VWA8: variants seen among roughly 807,000 people sequenced by gnomAD.
The protein encoded by VWA8 is von Willebrand factor A domain containing 8.
A neutral mutation model predicts 241.5 loss-of-function variants in VWA8; 221 were observed. The ratio of observed to expected loss-of-function variants is 0.91; its 90% CI spans 0.82 to 1.02. The LOEUF is 1.02. Among genes scored for constraint, VWA8 ranks in the 50% least tolerant of loss-of-function variants. The pLI is 0.00. For missense variants in VWA8, 2,322 were observed against 2,328.7 expected, an observed-to-expected ratio of 1.00 and a Z score of 0.06; for synonymous variants, 852 against 827.1, an observed-to-expected ratio of 1.03 and a Z score of -0.52.
At chr13:41,856,791 T>C (rs2138037364) in intron 12 of VWA8, among the ~76,000 whole-genome samples, 1 of 149,162 alleles carries the variant, frequency 6.7e-6, no homozygotes, top group Non-Finnish European at 1.5e-5. Flanking sequence ...GCCGTTGCAC[T>C]CCAGCCTGGG....
intron 5 of VWA8, 132 bp from the exon 6 acceptor site, chr13:41,887,493 G>A: frequency 1.0e-6 from 1 of 964,640 alleles, no homozygotes; most frequent in African/African-American, 1.7e-5. Context: ...AATCCATACT[G>A]TCAAGGAAGG....
Position 41,691,948 on chromosome 13 carries a change from A to C in VWA8, c.3676-10T>G. ...ACATTTTATAAGTTTCCTAAAGACA[A>C]ACAAAACAAGATATTCATATTAAAT... On this transcript the variant is annotated splice_polypyrimidine_tract_variant and intron_variant, in intron 30 of 44. Coordinates refer to ENST00000379310, the MANE Select transcript of VWA8 (RefSeq NM_015058.2). 6.3e-7 allele frequency: 1 copy of C among 1,581,256 alleles called. No individual in the cohort carries two copies. The highest frequency in any genetic ancestry group is 8.7e-7 in the Non-Finnish European group (1 of 1,151,102).
chr13:41,660,879 C>CTTT (rs918525375), intron 37 of VWA8, among the ~76,000 whole-genome samples: 1 of 141,046 alleles, frequency 7.1e-6, no homozygotes, highest in African/African-American at 2.6e-5. Flanking sequence ...AATTGGGTTT[C>CTTT]TTTTTTTTTT....
intron 37 of VWA8, among the ~76,000 whole-genome samples, chr13:41,659,520 T>C (rs926136108): frequency 6.6e-6 from 1 of 152,216 alleles, no homozygotes; most frequent in African/African-American, 2.4e-5. Context: ...TCTTCCTTCT[T>C]TTAAAACTGC....
chr13:41,906,024 A>G (rs9594647), intron 4 of VWA8, among the ~76,000 whole-genome samples: 286 of 152,218 alleles, frequency 1.9e-3, no homozygotes, highest in African/African-American at 6.2e-3. Context: ...GTGAAGGATT[A>G]CTTTTTGATT....
chr13:41,819,803 A>G (rs1286376958), intron 14 of VWA8, among the ~76,000 whole-genome samples: 1 of 152,228 alleles, frequency 6.6e-6, no homozygotes, highest in Non-Finnish European at 1.5e-5. Context: ...TCAATCAAAA[A>G]GACCAAGAGG....
chr13:41,936,012 T>C (rs1436528565), intron 2 of VWA8, among the ~76,000 whole-genome samples: 3 of 152,148 alleles, frequency 2.0e-5, no homozygotes, highest in Non-Finnish European at 2.9e-5. Context: ...ACATAATATG[T>C]ACATTTATCC....
Position 41,575,817 on chromosome 13 carries a change from CAG to C in VWA8, c.5291_5292del (p.Ser1764TrpfsTer19). The C allele has an allele frequency of 1.9e-6, 3 of 1,612,792 alleles. No individual in the cohort carries two copies. The highest frequency in any genetic ancestry group is 1.1e-5 in the South Asian group (1 of 90,866). ...EKFQYDIVGH[S>X]GDGYNIGLVP... Reference sequence around the variant, plus strand: ...ACCAGACCAATGTTGTAGCCATCTCCAGAGTGTCCAACGATGTCATACTACAT... The same window carrying C: ...ACCAGACCAATGTTGTAGCCATCTCCAGTGTCCAACGATGTCATACTACAT... On this transcript the variant is annotated frameshift_variant, in exon 43 of 45. Coordinates refer to ENST00000379310, the MANE Select transcript of VWA8 (RefSeq NM_015058.2). LOFTEE classifies it high-confidence loss of function.
At chr13:41,819,432 A>C in intron 14 of VWA8, 46 bp from the exon 15 acceptor site, 1 of 1,560,214 alleles carries the variant, frequency 6.4e-7, no homozygotes, top group Non-Finnish European at 8.6e-7. Context: ...TCTTTCATGT[A>C]AGAAATCAGA....
chr13:41,821,878 C>T (rs1220650160), intron 14 of VWA8, among the ~76,000 whole-genome samples: 1 of 152,104 alleles, frequency 6.6e-6, no homozygotes. Flanking sequence ...TCTCAAAACA[C>T]TTAAGCTATG....
chr13:41,583,659 A>C lies in VWA8; in HGVS notation c.5271+3853T>G, dbSNP rs190823048. On this transcript the variant is annotated intron_variant, in intron 42 of 44. Coordinates refer to ENST00000379310, the MANE Select transcript of VWA8 (RefSeq NM_015058.2). ...CTCCATCTCAAAAAAAAAAAAAAAAAAAACAAACAAAAAAAGAATCTATAA... is the reference window on the plus strand; with the variant it reads ...CTCCATCTCAAAAAAAAAAAAAAAACAAACAAACAAAAAAAGAATCTATAA... Among the ~76,000 whole-genome samples, 1,089 of 151,276 alleles carry C rather than the reference A, an allele frequency of 7.2e-3. 7 individuals carry two copies. The highest frequency in any genetic ancestry group is 0.016 in the African/African-American group (667 of 41,210).
At chr13:41,642,671 G>A (rs1366033009) in intron 37 of VWA8, among the ~76,000 whole-genome samples, 1 of 151,776 alleles carries the variant, frequency 6.6e-6, no homozygotes, top group Non-Finnish European at 1.5e-5. Context: ...GCTCACACCC[G>A]TAATCCCAGC....
intron 20 of VWA8, among the ~76,000 whole-genome samples, chr13:41,768,435 T>C (rs1042690169): frequency 2.0e-5 from 3 of 152,142 alleles, no homozygotes; most frequent in Admixed American, 2.0e-4. Flanking sequence ...AGGAGAAAAA[T>C]AGAATCTCTA....
chr13:41,737,367 G>C (rs1313079265), intron 21 of VWA8, among the ~76,000 whole-genome samples: 1 of 152,180 alleles, frequency 6.6e-6, no homozygotes, highest in East Asian at 1.9e-4. Context: ...AAATAGAGTG[G>C]TACTTAGAAA....
intron 22 of VWA8, among the ~76,000 whole-genome samples, chr13:41,731,474 A>G (rs1328436750): frequency 2.0e-5 from 3 of 152,250 alleles, no homozygotes; most frequent in Non-Finnish European, 4.4e-5. Flanking sequence ...ATAGAAATCA[A>G]TAGAGGATTG....
intron 9 of VWA8, among the ~76,000 whole-genome samples, chr13:41,876,124 C>A (rs9525551): frequency 0.028 from 4,323 of 152,132 alleles, 107 homozygotes; most frequent in East Asian, 0.11. Context: ...GTCAAAGCTA[C>A]AATAGTGTCT....
intron 2 of VWA8, among the ~76,000 whole-genome samples, chr13:41,937,205 T>TG (rs1225569807): frequency 3.9e-5 from 6 of 152,108 alleles, no homozygotes; most frequent in South Asian, 2.1e-4. Context: ...TTCCACAGAC[T>TG]GGGGGGAGGG....
At chr13:41,924,416 A>G (rs1413600119) in intron 2 of VWA8, among the ~76,000 whole-genome samples, 1 of 136,626 alleles carries the variant, frequency 7.3e-6, no homozygotes, top group Admixed American at 7.5e-5. Flanking sequence ...GGAGGGGAGG[A>G]GAGGAGATGA....
chr13:41,588,392 AT>A (rs1385332490), intron 41 of VWA8, among the ~76,000 whole-genome samples: 1 of 152,248 alleles, frequency 6.6e-6, no homozygotes, highest in Non-Finnish European at 1.5e-5. Flanking sequence ...CAATTTGCAG[AT>A]TTTAAGAAAA....
Sources: gnomAD v4.1 joint callset for allele counts (sites outside exome capture counted in the v4.1 genomes callset) on GRCh38, gnomAD v4.1.1 for gene constraint, MANE v1.5 for transcripts, NCBI Gene and HGNC (gene_info 2026-07-23, HGNC 2026-07-21) for gene names.